UVRAG: variants seen among roughly 807,000 people sequenced by gnomAD.
UVRAG encodes UV radiation resistance associated.
In UVRAG, 19 loss-of-function variants were observed where a neutral mutation model predicts 78.0. The observed-to-expected ratio is 0.24, with a 90% CI of 0.17 to 0.36. The LOEUF is 0.36. Among genes scored for constraint, UVRAG ranks in the 10% least tolerant of loss-of-function variants. The pLI, the probability that UVRAG is intolerant of heterozygous loss-of-function variation, is 1.00. For synonymous variants in UVRAG, 323 were observed against 324.6 expected (o/e 1.00, Z 0.05); for missense variants, 740 against 853.8 (o/e 0.87, Z 1.66).
At chr11:75,946,212 TA>T (rs1366887836) in intron 6 of UVRAG, among the ~76,000 whole-genome samples, 2 of 152,204 alleles carry the variant, frequency 1.3e-5, no homozygotes, top group African/African-American at 4.8e-5. Flanking sequence ...CTAGACTCAG[TA>T]TTAGCAACAT....
At chr11:75,893,236 A>C (rs1947260199) in intron 5 of UVRAG, among the ~76,000 whole-genome samples, 1 of 152,058 alleles carries the variant, frequency 6.6e-6, no homozygotes, top group African/African-American at 2.4e-5. Flanking sequence ...AAACCAAGGC[A>C]ATAAACATCT....
At chr11:75,972,576 G>T (rs538983581) in intron 7 of UVRAG, among the ~76,000 whole-genome samples, 1 of 152,056 alleles carries the variant, frequency 6.6e-6, no homozygotes, top group Admixed American at 6.5e-5. Flanking sequence ...TATTTGTTTG[G>T]GTATATTTCT....
At chr11:75,940,931 C>T (rs890081833) in intron 6 of UVRAG, among the ~76,000 whole-genome samples, 2 of 151,882 alleles carry the variant, frequency 1.3e-5, no homozygotes, top group Admixed American at 6.6e-5. Flanking sequence ...GATGTATTTC[C>T]ACAAGTAGAC....
At chr11:76,043,197 A>G (rs17134511) in intron 12 of UVRAG, among the ~76,000 whole-genome samples, 2,102 of 152,302 alleles carry the variant, frequency 0.014, 53 homozygotes, top group African/African-American at 0.048. Context: ...TAATTTTAAA[A>G]TGAAGTGGGT....
chr11:76,040,624 C>T (rs555166557), intron 12 of UVRAG, among the ~76,000 whole-genome samples: 32 of 151,962 alleles, frequency 2.1e-4, no homozygotes, highest in African/African-American at 7.2e-4. Context: ...GGCGCGGTCT[C>T]GACTCACTGC....
At chr11:75,877,661 C>A (rs1418347934) in intron 3 of UVRAG, among the ~76,000 whole-genome samples, 1 of 136,792 alleles carries the variant, frequency 7.3e-6, no homozygotes, top group African/African-American at 2.8e-5. Flanking sequence ...CAGAGGGGCT[C>A]CTCACTTCCC....
At chr11:76,048,270 C>G (rs1042500709) in intron 12 of UVRAG, among the ~76,000 whole-genome samples, 1 of 152,218 alleles carries the variant, frequency 6.6e-6, no homozygotes, top group Non-Finnish European at 1.5e-5. Context: ...CAGCTAACAT[C>G]TGACTGACCC....
chr11:75,957,203 A>C (rs1183456530), intron 6 of UVRAG, among the ~76,000 whole-genome samples: 1 of 151,954 alleles, frequency 6.6e-6, no homozygotes, highest in Non-Finnish European at 1.5e-5. Context: ...TCAGCTTTTT[A>C]TATTTACTGT....
intron 7 of UVRAG, 109 bp from the exon 8 acceptor site, chr11:75,983,275 TGAG>T (rs749731632): frequency 4.7e-5 from 44 of 942,794 alleles, no homozygotes; most frequent in Non-Finnish European, 6.1e-5. Flanking sequence ...ATAAGTTTGA[TGAG>T]TATTAAAATG....
At chr11:75,933,923 A>G (rs1368335778) in intron 6 of UVRAG, among the ~76,000 whole-genome samples, 1 of 152,226 alleles carries the variant, frequency 6.6e-6, no homozygotes, top group East Asian at 1.9e-4. Context: ...TAGTACAACC[A>G]CTATGGAGAA....
chr11:76,030,903 CAAT>C (rs1183544003), intron 12 of UVRAG, among the ~76,000 whole-genome samples: 1 of 152,118 alleles, frequency 6.6e-6, no homozygotes, highest in African/African-American at 2.4e-5. Flanking sequence ...CAGCCCAACT[CAAT>C]GATGCAGGTA....
chr11:76,099,921 A>T (rs1444460624), intron 13 of UVRAG, among the ~76,000 whole-genome samples: 1 of 151,992 alleles, frequency 6.6e-6, no homozygotes, highest in Non-Finnish European at 1.5e-5. Context: ...TCCAATTTTT[A>T]TAGCTCTAGA....
chr11:75,903,675 T>C (rs1947557974), intron 5 of UVRAG, among the ~76,000 whole-genome samples: 1 of 152,242 alleles, frequency 6.6e-6, no homozygotes, highest in African/African-American at 2.4e-5. Context: ...GCAGAACTCC[T>C]GTAGCTTTTT....
intron 2 of UVRAG, among the ~76,000 whole-genome samples, chr11:75,854,099 G>A (rs139012940): frequency 6.0e-4 from 92 of 152,214 alleles, no homozygotes; most frequent in Middle Eastern, 3.4e-3. Flanking sequence ...TGAAACAATT[G>A]TATTCATCTG....
intron 6 of UVRAG, among the ~76,000 whole-genome samples, chr11:75,949,698 T>C (rs931083872): frequency 1.1e-4 from 15 of 142,834 alleles, no homozygotes; most frequent in African/African-American, 4.3e-4. Flanking sequence ...AATACATATA[T>C]ATATATATAT....
chr11:76,123,980 G>A (rs1023002008), intron 14 of UVRAG, among the ~76,000 whole-genome samples: 1 of 151,764 alleles, frequency 6.6e-6, no homozygotes, highest in Non-Finnish European at 1.5e-5. Context: ...TGGCCAGGCT[G>A]GTCTCGAACT....
At chr11:75,911,717 G>T in intron 5 of UVRAG, 1 of 357,532 alleles carries the variant, frequency 2.8e-6, no homozygotes, top group East Asian at 5.5e-5. Context: ...GGCTGGGCTG[G>T]GCGCGCTCCT....
At chr11:75,912,666 A>G (rs918679487) in intron 6 of UVRAG, among the ~76,000 whole-genome samples, 5 of 152,208 alleles carry the variant, frequency 3.3e-5, no homozygotes, top group East Asian at 3.8e-4. Flanking sequence ...CACTCAACCA[A>G]TGTTCACCCT....
rs566263752 is a variant in UVRAG at position 76,029,144 on chromosome 11, T to C, written c.1226+12164T>C. On this transcript the variant is annotated intron_variant, in intron 12 of 14. Transcript: ENST00000356136. ...TATAAATGTAACATCAAATCCTATATGACAGCACATCTGTTTACAACATGG... is the reference window on the plus strand; with the variant it reads ...TATAAATGTAACATCAAATCCTATACGACAGCACATCTGTTTACAACATGG... Among the ~76,000 whole-genome samples the C allele has an allele frequency of 2.0e-5, 3 of 152,302 alleles. 1 individual carries two copies. The South Asian group carries it at 6.2e-4, about 32-fold the overall frequency.
Sources: allele counts gnomAD v4.1 joint callset (sites outside exome capture counted in the v4.1 genomes callset), GRCh38; gene constraint gnomAD v4.1.1; transcripts MANE v1.5; gene names NCBI Gene and HGNC (gene_info 2026-07-23, HGNC 2026-07-21).